Variants in PRKCI observed in about 807,000 individuals in gnomAD.
PRKCI encodes the protein protein kinase C iota, also known as protein kinase C iota type.
Under a neutral mutation model 84.0 loss-of-function variants are expected in PRKCI, and 43 were observed. The observed-to-expected ratio is 0.51, with a 90% CI of 0.40 to 0.66. The LOEUF (loss-of-function observed/expected upper bound fraction) is 0.66, where lower values mean the gene tolerates loss of function less well. Ranked by LOEUF, PRKCI falls within the 30% of genes least tolerant of loss-of-function variation. The probability of loss-of-function intolerance (pLI) is 0.00; values close to 1 mark genes in which losing one functional copy is unlikely to be tolerated. For missense variants in PRKCI, 459 were observed against 745.6 expected, an observed-to-expected ratio of 0.62 and a Z score of 4.48; for synonymous variants, 216 against 234.4, an observed-to-expected ratio of 0.92 and a Z score of 0.72.
intron 2 of PRKCI, among the ~76,000 whole-genome samples, chr3:170,244,358 G>C (rs917595214): frequency 4.6e-5 from 7 of 152,054 alleles, no homozygotes; most frequent in African/African-American, 1.7e-4. Flanking sequence ...GTCTTGCTTA[G>C]GTAATGGGAC....
intron 2 of PRKCI, among the ~76,000 whole-genome samples, chr3:170,235,566 CTTT>C (rs199938459): frequency 4.4e-5 from 6 of 136,218 alleles, no homozygotes; most frequent in South Asian, 2.3e-4. Context: ...ATTAACTTGA[CTTT>C]TTTTTTTTTT....
chr3:170,271,904 G>A (rs1734015173), intron 6 of PRKCI, among the ~76,000 whole-genome samples: 1 of 152,164 alleles, frequency 6.6e-6, no homozygotes, highest in Non-Finnish European at 1.5e-5. Context: ...CACAATCTTG[G>A]CTCACTGCAA....
chr3:170,297,751 C>G (rs1180525619), intron 16 of PRKCI, among the ~76,000 whole-genome samples: 3 of 151,888 alleles, frequency 2.0e-5, no homozygotes, highest in Non-Finnish European at 4.4e-5. Flanking sequence ...CCACCACACC[C>G]GGCCTATCTC....
intron 1 of PRKCI, among the ~76,000 whole-genome samples, chr3:170,228,626 C>T (rs1018771504): frequency 1.8e-4 from 27 of 151,604 alleles, no homozygotes; most frequent in South Asian, 6.3e-4. Context: ...TACACACACA[C>T]ACACACACAC....
intron 6 of PRKCI, among the ~76,000 whole-genome samples, chr3:170,271,114 A>G (rs1158321579): frequency 6.6e-6 from 1 of 152,206 alleles, no homozygotes; most frequent in Non-Finnish European, 1.5e-5. Flanking sequence ...TGTAAAGGTA[A>G]TTGTCATTTG....
intron 12 of PRKCI, among the ~76,000 whole-genome samples, chr3:170,288,202 C>T (rs566756907): frequency 6.6e-5 from 10 of 151,162 alleles, no homozygotes; most frequent in Admixed American, 1.3e-4. Context: ...CCCGAGATCG[C>T]GCCACTGCAT....
chr3:170,272,338 G>T (rs991592451), intron 6 of PRKCI, among the ~76,000 whole-genome samples: 1 of 152,176 alleles, frequency 6.6e-6, no homozygotes, highest in African/African-American at 2.4e-5. Flanking sequence ...CTTTAGAATT[G>T]TTATTCCATG....
At chr3:170,274,882 A>G (rs1734077112) in intron 7 of PRKCI, among the ~76,000 whole-genome samples, 2 of 152,300 alleles carry the variant, frequency 1.3e-5, no homozygotes, top group South Asian at 2.1e-4. Flanking sequence ...AAATTTAAAC[A>G]TATCTTATAG....
chr3:170,251,423 A>G (rs1733440521), intron 2 of PRKCI, among the ~76,000 whole-genome samples: 1 of 152,242 alleles, frequency 6.6e-6, no homozygotes, highest in African/African-American at 2.4e-5. Context: ...ATTTACAACA[A>G]AGGATTACTA....
chr3:170,250,088 C>T (rs1357143309), intron 2 of PRKCI, among the ~76,000 whole-genome samples: 1 of 151,438 alleles, frequency 6.6e-6, no homozygotes. Flanking sequence ...CCAGCCTGGC[C>T]TCTGTCGCTA....
At position 170,266,548 on chromosome 3, in the gene PRKCI, T is replaced by TA. The variant is rs202061036; in HGVS notation, c.365-1353dup. Reference sequence around the variant, plus strand: ...ATATGAAACAACTAACCAGACTCTTTAAAAAAAAAAAAAAGTCAACATAAT... The same window carrying TA: ...ATATGAAACAACTAACCAGACTCTTTAAAAAAAAAAAAAAAGTCAACATAAT... On this transcript the variant is annotated intron_variant, in intron 4 of 17. Coordinates refer to ENST00000295797, the MANE Select transcript of PRKCI (RefSeq NM_002740.6). Among the ~76,000 whole-genome samples the TA allele has an allele frequency of 4.7e-3, 648 of 139,080 alleles. 1 individual carries two copies. Among genetic ancestry groups the TA allele is most frequent in the African/African-American group, 0.014 (514 of 37,954 alleles). 91.2% of individuals were successfully genotyped at this position (139,080 alleles called of 152,430 possible).
Position 170,238,433 on chromosome 3 carries a change from A to G in PRKCI, c.223+3082A>G, listed in dbSNP as rs553249773. On this transcript the variant is annotated intron_variant, in intron 2 of 17. Coordinates refer to ENST00000295797, the MANE Select transcript of PRKCI (RefSeq NM_002740.6). ...TATAGTATGCGCTGGACATTTTTTC[A>G]TTTCAGTGTACTTCAATTTGCATCA... 1.8e-3 allele frequency among the ~76,000 whole-genome samples: 261 copies of G among 148,364 alleles called. 1 individual carries two copies. Among genetic ancestry groups the G allele is most frequent in the African/African-American group, 5.2e-3 (213 of 40,780 alleles).
chr3:170,279,610 G>A (rs114791465), intron 8 of PRKCI, among the ~76,000 whole-genome samples: 40 of 152,218 alleles, frequency 2.6e-4, no homozygotes, highest in African/African-American at 3.6e-4. Context: ...TTACTTTGTC[G>A]TCCCAAAGGG....
intron 10 of PRKCI, chr3:170,281,606 T>C (rs953813446): frequency 4.7e-6 from 2 of 428,532 alleles, no homozygotes; most frequent in East Asian, 3.8e-5. Context: ...AAATGACTTA[T>C]TTAGCAAATG....
At chr3:170,277,721 A>G (rs1334078609) in intron 8 of PRKCI, among the ~76,000 whole-genome samples, 5 of 152,092 alleles carry the variant, frequency 3.3e-5, no homozygotes, top group African/African-American at 7.2e-5. Flanking sequence ...AAAATTACAA[A>G]TAACACTTTT....
chr3:170,258,316 T>TTC (rs66881400), intron 2 of PRKCI, among the ~76,000 whole-genome samples: 36,974 of 147,178 alleles, frequency 0.25, 5,014 homozygotes, highest in African/African-American at 0.38. Flanking sequence ...AAATGACTTC[T>TTC]TTTTTTTTTG....
rs1396944477 is a variant in PRKCI, at chr3:170,252,110, A to G, written c.224-7859A>G. Among the ~76,000 whole-genome samples the G allele has an allele frequency of 6.6e-5, 10 of 151,464 alleles. 1 individual carries two copies. The South Asian group carries it at 2.1e-3, about 32-fold the overall frequency. On this transcript the variant is annotated intron_variant, in intron 2 of 17. Coordinates refer to ENST00000295797, the MANE Select transcript of PRKCI (RefSeq NM_002740.6). Reference sequence around the variant, plus strand: ...GTGCCTGTAGTCCCAGCTGCTGGGGAGGCTGAGGCAGGAAAATGGCATGAA... The same window carrying G: ...GTGCCTGTAGTCCCAGCTGCTGGGGGGGCTGAGGCAGGAAAATGGCATGAA...
intron 2 of PRKCI, among the ~76,000 whole-genome samples, chr3:170,256,700 A>T (rs1733589157): frequency 1.3e-5 from 2 of 151,830 alleles, no homozygotes; most frequent in Admixed American, 1.3e-4. Flanking sequence ...CTTTTCTTCT[A>T]CTAATTTTGT....
At chr3:170,285,670 C>G (rs1577370288) in intron 12 of PRKCI, among the ~76,000 whole-genome samples, 1 of 152,116 alleles carries the variant, frequency 6.6e-6, no homozygotes, top group East Asian at 1.9e-4. Context: ...AGAATAAAAT[C>G]TTCACTTAAA....
Sources: allele counts gnomAD v4.1 joint callset (sites outside exome capture counted in the v4.1 genomes callset), GRCh38; gene constraint gnomAD v4.1.1; transcripts MANE v1.5; gene names NCBI Gene and HGNC (gene_info 2026-07-23, HGNC 2026-07-21).